The following GPR158 variants were observed in gnomAD, a reference collection of about 807,000 sequenced individuals.
The protein encoded by GPR158 is G protein-coupled receptor 158.
Under a neutral mutation model 78.2 loss-of-function variants are expected in GPR158, and 30 were observed. The observed-to-expected ratio is 0.38, with a 90% confidence interval of 0.29 to 0.52. The LOEUF is 0.52. Among genes scored for constraint, GPR158 ranks in the 20% least tolerant of loss-of-function variants. The pLI is 0.83. For missense variants in GPR158, 1,463 were observed against 1,523.5 expected (o/e 0.96, Z 0.66); for synonymous variants, 581 against 591.1 (o/e 0.98, Z 0.25).
chr10:25,461,888 C>T lies in GPR158; in HGVS notation c.1336-4763C>T, dbSNP rs553560434. On this transcript the variant is annotated intron_variant, in intron 4 of 10. Transcript: ENST00000376351. Reference sequence around the variant, plus strand: ...CTAGGACTACAGGTGCCTGCCACCACGCCCGGCTGATTTTTTTGTATGTGT... The same window carrying T: ...CTAGGACTACAGGTGCCTGCCACCATGCCCGGCTGATTTTTTTGTATGTGT... 1.9e-3 allele frequency among the ~76,000 whole-genome samples: 282 copies of T among 152,044 alleles called. 1 individual carries two copies. The highest frequency in any genetic ancestry group is 6.4e-3 in the African/African-American group (264 of 41,484).
At chr10:25,440,778 C>A (rs987308943) in intron 4 of GPR158, among the ~76,000 whole-genome samples, 17 of 152,080 alleles carry the variant, frequency 1.1e-4, no homozygotes, top group African/African-American at 3.9e-4. Flanking sequence ...ATAAAGCATT[C>A]CTAAATGTAA....
chr10:25,330,012 TTC>T (rs1491244960), intron 2 of GPR158, among the ~76,000 whole-genome samples: 1 of 40,352 alleles, frequency 2.5e-5, no homozygotes, highest in African/African-American at 5.2e-5. Flanking sequence ...CTTGAGATAA[TTC>T]TTTTTTTTTT....
chr10:25,426,825 G>T (rs1489488396), intron 4 of GPR158, among the ~76,000 whole-genome samples: 1 of 152,014 alleles, frequency 6.6e-6, no homozygotes, highest in Non-Finnish European at 1.5e-5. Flanking sequence ...TTTGCTTGAT[G>T]CAAGGTTTTC....
intron 2 of GPR158, among the ~76,000 whole-genome samples, chr10:25,390,557 T>C (rs1241586360): frequency 1.3e-5 from 2 of 152,232 alleles, no homozygotes; most frequent in African/African-American, 4.8e-5. Context: ...ATTTAGGGTA[T>C]CTAGCCAAAG....
intron 6 of GPR158, among the ~76,000 whole-genome samples, chr10:25,569,292 G>A (rs1223671273): frequency 1.3e-5 from 2 of 152,092 alleles, no homozygotes; most frequent in Non-Finnish European, 2.9e-5. Flanking sequence ...GATTTCTTGA[G>A]TAAAAGGTTA....
intron 6 of GPR158, among the ~76,000 whole-genome samples, chr10:25,555,277 A>G (rs1049372206): frequency 1.3e-5 from 2 of 152,070 alleles, no homozygotes; most frequent in African/African-American, 4.8e-5. Context: ...TGGTAGCTTG[A>G]TGGGGATGGC....
chr10:25,365,889 C>A (rs1855715123), intron 2 of GPR158, among the ~76,000 whole-genome samples: 1 of 151,664 alleles, frequency 6.6e-6, no homozygotes, highest in African/African-American at 2.4e-5. Context: ...ACATCCTCCT[C>A]ACTGTTTCCC....
chr10:25,380,602 T>TA (rs539053724), intron 2 of GPR158, among the ~76,000 whole-genome samples: 6 of 152,322 alleles, frequency 3.9e-5, no homozygotes, highest in Admixed American at 3.9e-4. Context: ...TTCAACTGTG[T>TA]AAACAATGCC....
chr10:25,408,018 T>C (rs957555682), intron 3 of GPR158, among the ~76,000 whole-genome samples: 2 of 152,182 alleles, frequency 1.3e-5, no homozygotes, highest in Non-Finnish European at 2.9e-5. Flanking sequence ...AGGTGCTAAA[T>C]AGTCTCTGCT....
At chr10:25,345,470 G>A (rs1215745245) in intron 2 of GPR158, among the ~76,000 whole-genome samples, 1 of 152,010 alleles carries the variant, frequency 6.6e-6, no homozygotes, top group East Asian at 1.9e-4. Context: ...GTAGTCATTT[G>A]TATTTTTATA....
At chr10:25,366,132 CTTTTGTTTTTGT>C (rs762295320) in intron 2 of GPR158, among the ~76,000 whole-genome samples, 2 of 151,184 alleles carry the variant, frequency 1.3e-5, no homozygotes, top group Non-Finnish European at 3.0e-5. Flanking sequence ...TGTAGACAAA[CTTTTGTTTTTGT>C]TTTTGTTTTT....
chr10:25,586,721 A>G (rs552285304), intron 7 of GPR158, among the ~76,000 whole-genome samples: 55 of 152,298 alleles, frequency 3.6e-4, no homozygotes, highest in African/African-American at 1.3e-3. Context: ...CCCGGTATGC[A>G]TGAACCTTCT....
At chr10:25,540,943 AAAATATAT>A (rs1310800511) in intron 5 of GPR158, among the ~76,000 whole-genome samples, 41 of 63,460 alleles carry the variant, frequency 6.5e-4, no homozygotes, top group African/African-American at 2.2e-3. Flanking sequence ...AAGTATAATA[AAAATATAT>A]ATATATATAT....
At chr10:25,586,708 C>T (rs1295431720) in intron 7 of GPR158, among the ~76,000 whole-genome samples, 2 of 152,108 alleles carry the variant, frequency 1.3e-5, no homozygotes, top group South Asian at 2.1e-4. Flanking sequence ...CCACCGTGCC[C>T]GGCCCGGTAT....
At position 25,366,212 on chromosome 10, in the gene GPR158, G is replaced by A. The variant is rs140715298; in HGVS notation, c.1009-29699G>A. 6.7e-3 allele frequency among the ~76,000 whole-genome samples: 1,017 copies of A among 151,134 alleles called. 13 individuals are homozygous for A. The highest frequency in any genetic ancestry group is 0.023 in the African/African-American group (966 of 41,308). On this transcript the variant is annotated intron_variant, in intron 2 of 10. Transcript: ENST00000376351. ...GTCCATTTATTTTTGCATTTATATT[G>A]GGGCATATCCACCTATCTTTCAGTT...
chr10:25,433,547 T>TGTGTGTGTTGTGTGTGTGTTG (rs67750453), intron 4 of GPR158, among the ~76,000 whole-genome samples: 6 of 96,330 alleles, frequency 6.2e-5, no homozygotes, highest in African/African-American at 1.7e-4. Context: ...TGTGTGTGTG[T>TGTGTGTGTTGTGTGTGTGTTG]TGTGTGTGTG....
At position 25,503,205 on chromosome 10, in the gene GPR158, C is replaced by CA. The variant is rs5783937; in HGVS notation, c.1404+36502dup. On this transcript the variant is annotated intron_variant, in intron 5 of 10. Coordinates refer to ENST00000376351, the MANE Select transcript of GPR158 (RefSeq NM_020752.3). ...GGGGCAACATAGCAAGACCTCATTG[C>CA]AAAAAAAAAAAAAAAATTATAATCA... Among the ~76,000 whole-genome samples, 1,104 of 138,410 alleles carry CA rather than the reference C, an allele frequency of 8.0e-3. 11 individuals carry two copies. The highest frequency in any genetic ancestry group is 0.024 in the African/African-American group (909 of 38,118). The allele number at this position is 138,410 out of a possible 152,430, so 90.8% of individuals were successfully genotyped here. A position where few individuals can be genotyped will look rare whatever the true frequency, so the allele number is the denominator to read the frequency against.
intron 2 of GPR158, among the ~76,000 whole-genome samples, chr10:25,251,637 T>C (rs1853801262): frequency 6.6e-6 from 1 of 151,136 alleles, no homozygotes; most frequent in Non-Finnish European, 1.5e-5. Flanking sequence ...TGTTGAATAT[T>C]GGCCCCCACT....
At chr10:25,339,845 C>G (rs1186185982) in intron 2 of GPR158, among the ~76,000 whole-genome samples, 1 of 152,014 alleles carries the variant, frequency 6.6e-6, no homozygotes, top group East Asian at 1.9e-4. Flanking sequence ...CCTTGTATTT[C>G]TGGAATGAAC....
Sources: allele counts gnomAD v4.1 joint callset (sites outside exome capture counted in the v4.1 genomes callset), GRCh38; gene constraint gnomAD v4.1.1; transcripts MANE v1.5; gene names NCBI Gene and HGNC (gene_info 2026-07-23, HGNC 2026-07-21).